RNF144B: variants seen among roughly 807,000 people sequenced by gnomAD.
RNF144B encodes ring finger protein 144B.
A neutral mutation model predicts 40.2 loss-of-function variants in RNF144B; 25 were observed. The ratio of observed to expected loss-of-function variants is 0.62; its 90% CI spans 0.45 to 0.87. The LOEUF is 0.87. Ranked by LOEUF, RNF144B falls within the 40% of genes least tolerant of loss-of-function variation. The pLI, the probability that RNF144B is intolerant of heterozygous loss-of-function variation, is 0.00. For missense variants in RNF144B, 365 were observed against 373.7 expected (o/e 0.98, Z 0.19); for synonymous variants, 145 against 136.3 (o/e 1.06, Z -0.44).
rs559494880 is a variant in RNF144B, at chr6:18,439,772, A to G, written c.331+28A>G. On this transcript the variant is annotated intron_variant, in intron 4 of 7. Coordinates refer to ENST00000259939, the MANE Select transcript of RNF144B (RefSeq NM_182757.4). Reference sequence around the variant, plus strand: ...ATGAACTCTTCTTTTTTTCCTGATGATGAATGTGGTTTTACATGTGTCATT... The same window carrying G: ...ATGAACTCTTCTTTTTTTCCTGATGGTGAATGTGGTTTTACATGTGTCATT... 699 of 1,491,568 alleles carry G rather than the reference A, an allele frequency of 4.7e-4. 10 individuals are homozygous for G. The South Asian group carries it at 7.5e-3, about 16-fold the overall frequency. 92.4% of individuals were successfully genotyped at this position (1,491,568 alleles called of 1,614,324 possible).
chr6:18,445,755 A>C (rs1415716875), intron 4 of RNF144B, among the ~76,000 whole-genome samples: 3 of 152,162 alleles, frequency 2.0e-5, no homozygotes, highest in Non-Finnish European at 4.4e-5. Context: ...TGTTTTCATC[A>C]CTGCTGATGC....
chr6:18,465,697 C>G lies in RNF144B; in HGVS notation c.*630C>G, dbSNP rs1208338065. 6.6e-6 allele frequency: 1 copy of G among 152,308 alleles called. No individual in the cohort carries two copies. The highest frequency in any genetic ancestry group is 1.5e-5 in the Non-Finnish European group (1 of 68,138). 9.4% of individuals were successfully genotyped at this position (152,308 alleles called of 1,614,324 possible). ...TGATCTCAGCTTCAAGCAGGTGAAACTGCTGTGCAGAGGGAGTTGCCCCTT... is the reference window on the plus strand; with the variant it reads ...TGATCTCAGCTTCAAGCAGGTGAAAGTGCTGTGCAGAGGGAGTTGCCCCTT... On this transcript the variant is annotated 3_prime_UTR_variant, in exon 8 of 8. Transcript: ENST00000259939.
chr6:18,445,016 CTTTTAGTGTTTT>C lies in RNF144B; in HGVS notation c.331+5276_331+5287del, dbSNP rs144316890. 1.3e-3 allele frequency among the ~76,000 whole-genome samples: 193 copies of C among 149,766 alleles called. 2 individuals carry two copies. In the East Asian group the frequency reaches 0.035, roughly 27 times the overall value. On this transcript the variant is annotated intron_variant, in intron 4 of 7. Transcript: ENST00000259939. ...AGCTCCCTATGTAGTTATGTAGTTT[CTTTTAGTGTTTT>C]TTTCCCTCTTTGTAGACTGTGTGAT...
In RNF144B at chr6:18,419,995, A is replaced by G. The variant is rs184039890; in HGVS notation, c.166-7586A>G. Among the ~76,000 whole-genome samples, 334 of 152,276 alleles carry G rather than the reference A, an allele frequency of 2.2e-3. 4 individuals are homozygous for G. The highest frequency in any genetic ancestry group is 7.4e-3 in the African/African-American group (309 of 41,570). ...AACCAGAAAAGCAGAGTTGGCTCCT[A>G]TGTGTCAAGAAAAGAAGAACAGAGG... On this transcript the variant is annotated intron_variant, in intron 2 of 7. Coordinates refer to ENST00000259939, the MANE Select transcript of RNF144B (RefSeq NM_182757.4). The surrounding 1 kb of genome is among the most constrained non-coding windows in gnomAD (Gnocchi z 4.6).
intron 2 of RNF144B, among the ~76,000 whole-genome samples, chr6:18,415,721 G>T (rs939709643): frequency 5.3e-5 from 8 of 152,144 alleles, no homozygotes; most frequent in Non-Finnish European, 1.0e-4. Context: ...TTCTCTAGTG[G>T]AATGTGAGTA....
At chr6:18,429,308 ATGTG>A (rs954176093) in intron 3 of RNF144B, among the ~76,000 whole-genome samples, 2 of 151,600 alleles carry the variant, frequency 1.3e-5, no homozygotes, top group Non-Finnish European at 1.5e-5. Context: ...ACACATGTAG[ATGTG>A]TGTGTGTGTA....
Position 18,465,131 on chromosome 6 carries a change from C to A in RNF144B, c.*64C>A, listed in dbSNP as rs1759549946. ...ATGAGATGGCACAGTGATAAAGCCCCATTTAGTGACCTTGCCTCCTTCTCC... is the reference window on the plus strand; with the variant it reads ...ATGAGATGGCACAGTGATAAAGCCCAATTTAGTGACCTTGCCTCCTTCTCC... On this transcript the variant is annotated 3_prime_UTR_variant, in exon 8 of 8. Coordinates refer to ENST00000259939, the MANE Select transcript of RNF144B (RefSeq NM_182757.4). 8 of 1,548,096 alleles carry A rather than the reference C, an allele frequency of 5.2e-6. No individual in the cohort carries two copies. In the South Asian group the frequency reaches 9.3e-5, roughly 18 times the overall value.
In RNF144B at chr6:18,450,455, G is replaced by T. The variant is rs772326659; in HGVS notation, c.332-6700G>T. Among the ~76,000 whole-genome samples, 43 of 152,032 alleles carry T rather than the reference G, an allele frequency of 2.8e-4. 1 individual carries two copies. The highest frequency in any genetic ancestry group is 3.5e-4 in the Non-Finnish European group (24 of 68,000). ...TGGGATTACACGTGTGTGCCACCAG[G>T]CCTGGCTAATTTTGTATTTTTTAGT... On this transcript the variant is annotated intron_variant, in intron 4 of 7. Coordinates refer to ENST00000259939, the MANE Select transcript of RNF144B (RefSeq NM_182757.4). This position sits in a 1 kb window ranked among gnomAD's most constrained non-coding sequence, Gnocchi z 4.7.
At chr6:18,390,055 A>G (rs759136036) in intron 1 of RNF144B, among the ~76,000 whole-genome samples, 76 of 152,332 alleles carry the variant, frequency 5.0e-4, no homozygotes, top group Non-Finnish European at 3.8e-4. Context: ...AAAGATGGCT[A>G]AGATGTGGTC....
chr6:18,439,161 G>A (rs1758891149), intron 3 of RNF144B, among the ~76,000 whole-genome samples: 1 of 152,108 alleles, frequency 6.6e-6, no homozygotes, highest in African/African-American at 2.4e-5. Context: ...TCCCATAACC[G>A]AGGGCTCTAG....
rs1759334598 is a variant in RNF144B at position 18,456,716 on chromosome 6, A to G, written c.332-439A>G. ...TGGATCCATTATGAAGACTAATAGT[A>G]GAAATCCTCACCCTTGTTGTATTAT... On this transcript the variant is annotated intron_variant, in intron 4 of 7. Coordinates refer to ENST00000259939, the MANE Select transcript of RNF144B (RefSeq NM_182757.4). This position sits in a 1 kb window ranked among gnomAD's most constrained non-coding sequence, Gnocchi z 4.7. 6.6e-6 allele frequency among the ~76,000 whole-genome samples: 1 copy of G among 152,220 alleles called. No individual in the cohort carries two copies.
chr6:18,434,649 T>A lies in RNF144B; in HGVS notation c.271-5035T>A, dbSNP rs944345666. On this transcript the variant is annotated intron_variant, in intron 3 of 7. Transcript: ENST00000259939. The surrounding 1 kb of genome is among the most constrained non-coding windows in gnomAD (Gnocchi z 4.1). Reference sequence around the variant, plus strand: ...TGTTTGTTTGTTTTTTTAGACAGAGTCTTGCTCTGTCGCCCAGGCTGGAAT... The same window carrying A: ...TGTTTGTTTGTTTTTTTAGACAGAGACTTGCTCTGTCGCCCAGGCTGGAAT... Among the ~76,000 whole-genome samples the A allele has an allele frequency of 1.3e-5, 2 of 151,624 alleles. No homozygotes were observed. Among genetic ancestry groups the A allele is most frequent in the Non-Finnish European group, 2.9e-5 (2 of 67,850 alleles).
chr6:18,432,824 G>A (rs1483176921), intron 3 of RNF144B, among the ~76,000 whole-genome samples: 1 of 152,198 alleles, frequency 6.6e-6, no homozygotes, highest in African/African-American at 2.4e-5. Context: ...TTCTTTCTAA[G>A]CCCTGGAGCA....
chr6:18,389,362 A>G (rs1794536721), intron 1 of RNF144B, among the ~76,000 whole-genome samples: 2 of 152,304 alleles, frequency 1.3e-5, no homozygotes, highest in African/African-American at 4.8e-5. Context: ...CTCTGGAAAG[A>G]AAAAGCTTAT....
intron 2 of RNF144B, among the ~76,000 whole-genome samples, chr6:18,423,637 A>T (rs1441040633): frequency 1.3e-5 from 2 of 152,172 alleles, no homozygotes; most frequent in African/African-American, 2.4e-5. Flanking sequence ...ATTCCATTGC[A>T]TACAATTCAT....
At position 18,400,369 on chromosome 6, in the gene RNF144B, AC is replaced by A. The variant is rs1457038633; in HGVS notation, c.165+671del. On this transcript the variant is annotated intron_variant, in intron 2 of 7. Coordinates refer to ENST00000259939, the MANE Select transcript of RNF144B (RefSeq NM_182757.4). The surrounding 1 kb of genome is among the most constrained non-coding windows in gnomAD (Gnocchi z 5.6). ...TGATGGAGAAGTCAGGTAGTAATTT[AC>A]TTTATGTACTGAATTTTCATTCATA... is the stretch of plus-strand genomic sequence containing the variant. 1.3e-5 allele frequency among the ~76,000 whole-genome samples: 2 copies of A among 152,158 alleles called. No homozygotes were observed. The highest frequency in any genetic ancestry group is 2.4e-5 in the African/African-American group (1 of 41,422).
chr6:18,409,809 A>G (rs1582408150), intron 2 of RNF144B, among the ~76,000 whole-genome samples: 1 of 151,886 alleles, frequency 6.6e-6, no homozygotes, highest in Non-Finnish European at 1.5e-5. Context: ...ACCTCAAGTG[A>G]CCTGCCCGCC....
In RNF144B at chr6:18,464,605, C is replaced by A. The variant is rs1759534834; in HGVS notation, c.772-322C>A. Reference sequence around the variant, plus strand: ...AGGTGACAGCATGGTCATATCTTAGCAAGGGCTCTCTTCCTGGTTTGAAGA... The same window carrying A: ...AGGTGACAGCATGGTCATATCTTAGAAAGGGCTCTCTTCCTGGTTTGAAGA... On this transcript the variant is annotated intron_variant, in intron 7 of 7. Transcript: ENST00000259939. This position sits in a 1 kb window ranked among gnomAD's most constrained non-coding sequence, Gnocchi z 6.1. Among the ~76,000 whole-genome samples the A allele has an allele frequency of 6.6e-6, 1 of 152,224 alleles. No individual in the cohort carries two copies. The highest frequency in any genetic ancestry group is 2.4e-5 in the African/African-American group (1 of 41,466).
At position 18,412,347 on chromosome 6, in the gene RNF144B, T is replaced by C. The variant is rs1390224403; in HGVS notation, c.165+12648T>C. Among the ~76,000 whole-genome samples, 1 of 152,112 alleles carries C rather than the reference T, an allele frequency of 6.6e-6. No homozygotes were observed. Among genetic ancestry groups the C allele is most frequent in the Non-Finnish European group, 1.5e-5 (1 of 68,012 alleles). Reference sequence around the variant, plus strand: ...CTTCCTCTTTTTAGGAGGAAGCAAATTGTTGTAAGAGAAGCTCATCTCATG... The same window carrying C: ...CTTCCTCTTTTTAGGAGGAAGCAAACTGTTGTAAGAGAAGCTCATCTCATG... On this transcript the variant is annotated intron_variant, in intron 2 of 7. Transcript: ENST00000259939. The surrounding 1 kb of genome is among the most constrained non-coding windows in gnomAD (Gnocchi z 4.2).
Sources: gnomAD v4.1 joint callset for allele counts (sites outside exome capture counted in the v4.1 genomes callset) on GRCh38, gnomAD v4.1.1 for gene constraint, Gnocchi (gnomAD v3.1) non-coding constraint, MANE v1.5 for transcripts, NCBI Gene and HGNC (gene_info 2026-07-23, HGNC 2026-07-21) for gene names.